The following TTC7A variants were observed in gnomAD, a reference collection of about 807,000 sequenced individuals.
TTC7A encodes the protein tetratricopeptide repeat domain 7A.
Under a neutral mutation model 103.7 loss-of-function variants are expected in TTC7A, and 110 were observed. That is an observed-to-expected ratio of 1.06 (90% CI 0.91 to 1.24). TTC7A has a LOEUF of 1.24. Ranked by LOEUF, TTC7A falls within the 50% of genes most tolerant of loss-of-function variation. The probability of loss-of-function intolerance (pLI) is 0.00; values close to 1 mark genes in which losing one functional copy is unlikely to be tolerated. For missense variants in TTC7A, 1,340 were observed against 1,116.3 expected (o/e 1.20, Z -2.86); for synonymous variants, 521 against 467.9 (o/e 1.11, Z -1.47).
intron 8 of TTC7A, 134 bp downstream of exon 8, chr2:46,995,333 T>G: frequency 1.1e-6 from 1 of 870,516 alleles, no homozygotes; most frequent in Non-Finnish European, 1.8e-6. Flanking sequence ...TAGATGCTTC[T>G]TGGCCCTGGG....
chr2:46,979,033 G>A, intron 5 of TTC7A, 126 bp downstream of exon 5: 1 of 642,920 alleles, frequency 1.6e-6, no homozygotes, highest in Non-Finnish European at 2.7e-6. Flanking sequence ...AGGATTGGTG[G>A]GAACTGGCTT....
At chr2:46,974,336 C>G (rs551997191) in intron 3 of TTC7A, among the ~76,000 whole-genome samples, 3 of 152,234 alleles carry the variant, frequency 2.0e-5, no homozygotes, top group Non-Finnish European at 4.4e-5. Context: ...GCCTTGGTGC[C>G]TTACCTACCA....
chr2:47,030,557 A>G (rs1680420833), intron 15 of TTC7A, among the ~76,000 whole-genome samples: 1 of 152,178 alleles, frequency 6.6e-6, no homozygotes, highest in African/African-American at 2.4e-5. Flanking sequence ...AGTGTTTCCT[A>G]AATATAAACC....
chr2:46,941,671 G>T lies in TTC7A; in HGVS notation c.130G>T (p.Gly44Cys). ...GCTGCAGACGCTGAGCATGCCCGGC[G>T]GCGGAGGTAACAGGCGAGGCAGCCC... ...RQLQTLSMPGGGGNRRGSPSA... is the reference protein window; with the variant it reads ...RQLQTLSMPGCGGNRRGSPSA... Residue 44 changes from glycine to cysteine, a missense_variant, in exon 1 of 20, where the codon GGC becomes TGC. By Grantham distance (159) the Gly-to-Cys change is radical. Coordinates refer to ENST00000319190, the MANE Select transcript of TTC7A (RefSeq NM_020458.4). The surrounding 1 kb of genome is among the most constrained non-coding windows in gnomAD (Gnocchi z 4.2). The T allele has an allele frequency of 6.4e-7, 1 of 1,551,908 alleles. No individual in the cohort carries two copies. Among genetic ancestry groups the T allele is most frequent in the South Asian group, 1.2e-5 (1 of 84,154 alleles).
chr2:46,941,181 G>C (rs1233946812), upstream of TTC7A: 1 of 147,838 alleles, frequency 6.8e-6, no homozygotes, highest in East Asian at 2.0e-4. This position sits in a 1 kb window ranked among gnomAD's most constrained non-coding sequence, Gnocchi z 4.2. Flanking sequence ...CGCGGCCAGG[G>C]GCGGGTCCGC....
At chr2:47,072,449 G>T (rs976678336) in intron 19 of TTC7A, among the ~76,000 whole-genome samples, 2 of 152,220 alleles carry the variant, frequency 1.3e-5, no homozygotes, top group African/African-American at 4.8e-5. Context: ...CACCGAACTG[G>T]TTGTGTTCCA....
rs1396589731 is a variant in TTC7A at position 47,024,383 on chromosome 2, C to A, written c.1641+24C>A. ...AGGTGGGTTGTCCGTGTTCCTAACC[C>A]CCGGGTCCTCGGGGGCTGCTGATCT... On this transcript the variant is annotated intron_variant, in intron 14 of 19. Coordinates refer to ENST00000319190, the MANE Select transcript of TTC7A (RefSeq NM_020458.4). 1.9e-6 allele frequency: 3 copies of A among 1,591,716 alleles called. No individual in the cohort carries two copies. In the African/African-American group the frequency reaches 4.1e-5, roughly 22 times the overall value.
In TTC7A at chr2:46,944,560, C is replaced by T. The variant is rs183047072; in HGVS notation, c.184+2835C>T. 1.6e-3 allele frequency among the ~76,000 whole-genome samples: 237 copies of T among 152,088 alleles called. 1 individual carries two copies. The highest frequency in any genetic ancestry group is 2.7e-3 in the Non-Finnish European group (186 of 67,958). Reference sequence around the variant, plus strand: ...AGTGAGATCCCATCTCTACCCCCTACTCCCCTAAAAAATATAGCTAGGCAT... The same window carrying T: ...AGTGAGATCCCATCTCTACCCCCTATTCCCCTAAAAAATATAGCTAGGCAT... On this transcript the variant is annotated intron_variant, in intron 1 of 19. Coordinates refer to ENST00000319190, the MANE Select transcript of TTC7A (RefSeq NM_020458.4).
At chr2:46,994,328 C>A in intron 6 of TTC7A, 29 bp from the exon 7 acceptor site, 1 of 1,600,570 alleles carries the variant, frequency 6.2e-7, no homozygotes. Flanking sequence ...ACAACTGTGC[C>A]TGGGTCCGAG....
intron 18 of TTC7A, among the ~76,000 whole-genome samples, chr2:47,057,974 G>A (rs1204289664): frequency 6.6e-6 from 1 of 152,146 alleles, no homozygotes; most frequent in African/African-American, 2.4e-5. Flanking sequence ...TCCTTGTGGG[G>A]AGACCAGGCA....
At chr2:46,975,400 T>A (rs974045288) in intron 4 of TTC7A, among the ~76,000 whole-genome samples, 1 of 151,964 alleles carries the variant, frequency 6.6e-6, no homozygotes, top group African/African-American at 2.4e-5. Flanking sequence ...CTGGCAGGGG[T>A]GGAGTCTGCC....
intron 3 of TTC7A, among the ~76,000 whole-genome samples, chr2:46,967,036 A>G (rs893515740): frequency 6.6e-6 from 1 of 151,994 alleles, no homozygotes; most frequent in Non-Finnish European, 1.5e-5. Context: ...AACATGGCGA[A>G]ACCCCATCTC....
intron 2 of TTC7A, among the ~76,000 whole-genome samples, chr2:46,926,469 G>T (rs933041827): frequency 6.6e-6 from 1 of 152,146 alleles, no homozygotes; most frequent in Non-Finnish European, 1.5e-5. Context: ...GTGAGGATAG[G>T]GAGAGTCAAG....
At chr2:47,055,483 TG>T (rs573383376) in intron 18 of TTC7A, among the ~76,000 whole-genome samples, 5 of 151,584 alleles carry the variant, frequency 3.3e-5, no homozygotes, top group South Asian at 2.1e-4. Context: ...TGTGTGAGAG[TG>T]GGAGAGGCAC....
At chr2:47,040,674 G>A (rs895123035) in intron 15 of TTC7A, 2 of 152,224 alleles carry the variant, frequency 1.3e-5, no homozygotes, top group African/African-American at 2.4e-5. Flanking sequence ...GGATCGGGCC[G>A]GCCTGCGGCT....
chr2:47,066,462 C>CT (rs997101476), intron 19 of TTC7A, among the ~76,000 whole-genome samples: 3 of 151,958 alleles, frequency 2.0e-5, no homozygotes, highest in Non-Finnish European at 2.9e-5. Flanking sequence ...CTCTGGGACT[C>CT]TAACAAGAAG....
In TTC7A at chr2:46,956,989, G is replaced by T; in HGVS notation, c.499G>T (p.Glu167Ter). 3.1e-6 allele frequency: 5 copies of T among 1,614,180 alleles called. No individual in the cohort carries two copies. Among genetic ancestry groups the T allele is most frequent in the Non-Finnish European group, 4.2e-6 (5 of 1,180,020 alleles). Residue 167 changes from glutamate (E) to a stop codon, truncating the protein, a stop_gained, in exon 3 of 20, where the codon GAG (glutamate) becomes TAG (stop). Coordinates refer to ENST00000319190, the MANE Select transcript of TTC7A (RefSeq NM_020458.4). LOFTEE classifies it high-confidence loss of function. ...CCTGTATCAGATGCGGCTGCTGTCG[G>T]AGGCTTTTGTCATCAAAGGTAGCTG... ...KPLYQMRLLS[E>*]AFVIKGLSLE...
chr2:46,990,464 G>A (rs914419735), intron 5 of TTC7A, among the ~76,000 whole-genome samples: 14 of 152,330 alleles, frequency 9.2e-5, no homozygotes, highest in East Asian at 5.8e-4. Context: ...TCACAAAGCC[G>A]AAGGGTCCCT....
At chr2:46,999,871 G>A (rs1676613698) in intron 8 of TTC7A, 1 of 985,298 alleles carries the variant, frequency 1.0e-6, no homozygotes, top group Admixed American at 6.1e-5. Flanking sequence ...ACAGAGCCCT[G>A]GTGTTGAGAG....
Sources: allele counts gnomAD v4.1 joint callset (sites outside exome capture counted in the v4.1 genomes callset), GRCh38; gene constraint gnomAD v4.1.1; non-coding constraint Gnocchi (gnomAD v3.1); transcripts MANE v1.5; gene names NCBI Gene and HGNC (gene_info 2026-07-23, HGNC 2026-07-21).